The following FBXL17 variants were observed in gnomAD, a reference collection of about 807,000 sequenced individuals.
FBXL17 encodes the protein F-box and leucine rich repeat protein 17, also known as F-box/LRR-repeat protein 17.
In FBXL17, 22 loss-of-function variants were observed where a neutral mutation model predicts 66.2. The observed-to-expected ratio is 0.33, with a 90% confidence interval of 0.24 to 0.47. The LOEUF is 0.47. Among genes scored for constraint, FBXL17 ranks in the 20% least tolerant of loss-of-function variants. The probability of loss-of-function intolerance (pLI) is 1.00; values close to 1 mark genes in which losing one functional copy is unlikely to be tolerated. For missense variants in FBXL17, 878 were observed against 948.2 expected (o/e 0.93, Z 0.97); for synonymous variants, 474 against 400.5 (o/e 1.18, Z -2.19).
At position 108,128,371 on chromosome 5, in the gene FBXL17, G is replaced by C. The variant is rs535364573; in HGVS notation, c.1745+57746C>G. 1.7e-4 allele frequency among the ~76,000 whole-genome samples: 26 copies of C among 152,182 alleles called. No homozygotes were observed. In the South Asian group the frequency reaches 3.5e-3, roughly 21 times the overall value. ...ATGGAGGCCAATGTTCCTCATTTGAGGTATCATTTTCTCTAATATGACCAG... is the reference window on the plus strand; with the variant it reads ...ATGGAGGCCAATGTTCCTCATTTGACGTATCATTTTCTCTAATATGACCAG... On this transcript the variant is annotated intron_variant, in intron 6 of 8. Coordinates refer to ENST00000542267, the MANE Select transcript of FBXL17 (RefSeq NM_001163315.3).
intron 6 of FBXL17, among the ~76,000 whole-genome samples, chr5:108,068,321 A>G (rs528817805): frequency 1.3e-5 from 2 of 152,334 alleles, no homozygotes; most frequent in African/African-American, 4.8e-5. Flanking sequence ...ACGGAATATC[A>G]AAAGTCACTT....
intron 5 of FBXL17, among the ~76,000 whole-genome samples, chr5:108,205,647 G>A (rs1413647136): frequency 6.6e-6 from 1 of 152,028 alleles, no homozygotes; most frequent in East Asian, 1.9e-4. Context: ...GTCTTTTTGT[G>A]GTATTATTTA....
intron 6 of FBXL17, among the ~76,000 whole-genome samples, chr5:108,176,352 G>C (rs1022428284): frequency 2.0e-5 from 3 of 152,120 alleles, no homozygotes; most frequent in African/African-American, 7.2e-5. Flanking sequence ...CACAAAAGCA[G>C]TTGCAGCATT....
intron 4 of FBXL17, among the ~76,000 whole-genome samples, chr5:108,233,181 G>GT (rs201818615): frequency 0.012 from 1,401 of 117,614 alleles, 23 homozygotes; most frequent in African/African-American, 0.033. Flanking sequence ...TTTCACAATT[G>GT]TTTTTTTTGC....
chr5:108,108,318 C>G (rs988000582), intron 6 of FBXL17, among the ~76,000 whole-genome samples: 1 of 152,110 alleles, frequency 6.6e-6, no homozygotes, highest in African/African-American at 2.4e-5. Context: ...TTATTTTATT[C>G]ACTGCTGTAA....
intron 6 of FBXL17, among the ~76,000 whole-genome samples, chr5:108,024,784 C>T (rs552723640): frequency 2.6e-5 from 4 of 152,094 alleles, no homozygotes; most frequent in East Asian, 1.9e-4. Context: ...CTAAAATGCA[C>T]CTGAAACATT....
chr5:108,283,637 TAAGACCTCAAA>T (rs927832984), intron 4 of FBXL17, among the ~76,000 whole-genome samples: 99 of 151,882 alleles, frequency 6.5e-4, no homozygotes, highest in African/African-American at 2.3e-3. Flanking sequence ...GAGTTTAGAT[TAAGACCTCAAA>T]AGCAGAGGCA....
At chr5:107,981,141 G>C (rs1023944079) in intron 7 of FBXL17, among the ~76,000 whole-genome samples, 1 of 152,138 alleles carries the variant, frequency 6.6e-6, no homozygotes, top group African/African-American at 2.4e-5. Flanking sequence ...ACAGAAACTG[G>C]GCTGAGGGTA....
intron 7 of FBXL17, among the ~76,000 whole-genome samples, chr5:108,010,485 T>C (rs1397650572): frequency 6.6e-6 from 1 of 152,168 alleles, no homozygotes; most frequent in Non-Finnish European, 1.5e-5. Context: ...TGCTGAGTTG[T>C]AATGAGAAGG....
At chr5:108,317,585 C>G (rs999251246) in intron 4 of FBXL17, among the ~76,000 whole-genome samples, 3 of 151,008 alleles carry the variant, frequency 2.0e-5, no homozygotes, top group African/African-American at 7.3e-5. Context: ...TAAAAATACT[C>G]TGTTATGGTA....
intron 6 of FBXL17, among the ~76,000 whole-genome samples, chr5:108,064,227 T>A (rs1405787724): frequency 2.0e-5 from 3 of 152,164 alleles, no homozygotes; most frequent in East Asian, 1.9e-4. Context: ...TTTTATTCTA[T>A]TCTGAGTTAT....
chr5:108,381,146 C>G lies in FBXL17; in HGVS notation c.546G>C (p.Pro182=), dbSNP rs1253157172. The G allele has an allele frequency of 3.6e-6, 5 of 1,395,460 alleles. No individual in the cohort carries two copies. The highest frequency in any genetic ancestry group is 4.6e-6 in the Non-Finnish European group (5 of 1,077,422). The allele number at this position is 1,395,460 out of a possible 1,614,324, so 86.4% of individuals were successfully genotyped here. A position where few individuals can be genotyped will look rare whatever the true frequency, so the allele number is the denominator to read the frequency against. ...PPAAVQLFRG[P]TPSPAELPTP... ...TAGGGAGCTCGGCCGGTGACGGTGT[C>G]GGCCCCCGGAAGAGCTGCACGGCGG... The change falls in exon 1 of 9, where the codon CCG becomes CCC. Residue 182 remains proline (P), a synonymous_variant. Coordinates refer to ENST00000542267, the MANE Select transcript of FBXL17 (RefSeq NM_001163315.3).
At chr5:108,193,693 A>G (rs1753562576) in intron 5 of FBXL17, among the ~76,000 whole-genome samples, 1 of 150,974 alleles carries the variant, frequency 6.6e-6, no homozygotes, top group African/African-American at 2.4e-5. Flanking sequence ...AAAGGCTCTA[A>G]ATAGCCTTAA....
chr5:107,904,428 C>T (rs1158788029), intron 7 of FBXL17, among the ~76,000 whole-genome samples: 1 of 152,150 alleles, frequency 6.6e-6, no homozygotes, highest in Non-Finnish European at 1.5e-5. Context: ...ACGACCAAGT[C>T]TAACTGGTTT....
At chr5:108,163,623 G>A (rs1358930399) in intron 6 of FBXL17, among the ~76,000 whole-genome samples, 2 of 152,016 alleles carry the variant, frequency 1.3e-5, no homozygotes, top group African/African-American at 2.4e-5. Flanking sequence ...GGATGGTCTC[G>A]ATCTCCCGAC....
intron 6 of FBXL17, among the ~76,000 whole-genome samples, chr5:108,158,486 C>G (rs1580530780): frequency 7.1e-6 from 1 of 140,170 alleles, no homozygotes; most frequent in African/African-American, 2.6e-5. Flanking sequence ...AAAGCAGTGA[C>G]AGTGGGGCGT....
At chr5:108,175,577 G>T (rs1351773155) in intron 6 of FBXL17, among the ~76,000 whole-genome samples, 1 of 152,200 alleles carries the variant, frequency 6.6e-6, no homozygotes, top group East Asian at 1.9e-4. Flanking sequence ...GTTGAAGAAT[G>T]ATATACATAA....
chr5:107,905,478 G>C (rs909726446), intron 7 of FBXL17, among the ~76,000 whole-genome samples: 1 of 152,022 alleles, frequency 6.6e-6, no homozygotes, highest in African/African-American at 2.4e-5. Context: ...AGGTGTATGG[G>C]ATACCTCCTC....
intron 7 of FBXL17, among the ~76,000 whole-genome samples, chr5:108,013,732 T>C (rs185531657): frequency 6.6e-6 from 1 of 152,292 alleles, no homozygotes; most frequent in Non-Finnish European, 1.5e-5. Context: ...CAGTCTAGAA[T>C]GAACCCCAGG....
Sources: allele counts gnomAD v4.1 joint callset (sites outside exome capture counted in the v4.1 genomes callset), GRCh38; gene constraint gnomAD v4.1.1; transcripts MANE v1.5; gene names NCBI Gene and HGNC (gene_info 2026-07-23, HGNC 2026-07-21).